The following BRINP2 variants were observed in gnomAD, a reference collection of about 807,000 sequenced individuals.
BRINP2 encodes BMP/retinoic acid inducible neural specific 2.
A neutral mutation model predicts 69.2 loss-of-function variants in BRINP2; 21 were observed. That is an observed-to-expected ratio of 0.30 (90% CI 0.22 to 0.44). The LOEUF (loss-of-function observed/expected upper bound fraction) is 0.44. Among genes scored for constraint, BRINP2 ranks in the 20% least tolerant of loss-of-function variants. BRINP2 has a pLI of 1.00. For synonymous variants in BRINP2, 380 were observed against 394.1 expected (o/e 0.96, Z 0.42); for missense variants, 877 against 986.0 (o/e 0.89, Z 1.48).
intron 1 of BRINP2, among the ~76,000 whole-genome samples, chr1:177,189,849 G>C (rs1024155408): frequency 1.3e-5 from 2 of 152,116 alleles, no homozygotes; most frequent in Non-Finnish European, 2.9e-5. Context: ...TTAACGTTAA[G>C]TCATGTGCAT....
intron 4 of BRINP2, among the ~76,000 whole-genome samples, chr1:177,265,228 G>C (rs535953480): frequency 4.5e-4 from 68 of 152,244 alleles, no homozygotes; most frequent in African/African-American, 1.6e-3. Flanking sequence ...TTTAATAAAT[G>C]GTGCTGGGAA....
At chr1:177,198,753 T>C (rs1648816139) in intron 1 of BRINP2, among the ~76,000 whole-genome samples, 1 of 152,196 alleles carries the variant, frequency 6.6e-6, no homozygotes, top group Non-Finnish European at 1.5e-5. Context: ...AGTTCTTGGA[T>C]GAAAGAATGC....
rs187651933 is a variant in BRINP2 at position 177,250,230 on chromosome 1, T to C, written c.270-5689T>C. ...CCACTTGAGTCTAATTCTGAGTTGA[T>C]AGCCCACTGTAATTTGTGATGAAAA... On this transcript the variant is annotated intron_variant, in intron 2 of 7. Transcript: ENST00000361539. 3.3e-5 allele frequency among the ~76,000 whole-genome samples: 5 copies of C among 152,342 alleles called. No homozygotes were observed. The East Asian group carries it at 5.8e-4, about 18-fold the overall frequency.
chr1:177,224,758 A>G lies in BRINP2; in HGVS notation c.-76-5043A>G, dbSNP rs1649645471. ...CTCATCTGTTAAAAAGAGTGATTTT[A>G]TTGTTTGTGCTTCATAAGCAGTAAC... On this transcript the variant is annotated intron_variant, in intron 1 of 7. Coordinates refer to ENST00000361539, the MANE Select transcript of BRINP2 (RefSeq NM_021165.4). Among the ~76,000 whole-genome samples, 3 of 152,164 alleles carry G rather than the reference A, an allele frequency of 2.0e-5. No homozygotes were observed. In the South Asian group the frequency reaches 6.2e-4, roughly 32 times the overall value.
At position 177,208,559 on chromosome 1, in the gene BRINP2, T is replaced by C. The variant is rs181926265; in HGVS notation, c.-76-21242T>C. 1.2e-3 allele frequency among the ~76,000 whole-genome samples: 181 copies of C among 152,076 alleles called. 1 individual carries two copies. Among genetic ancestry groups the C allele is most frequent in the Admixed American group, 3.7e-3 (57 of 15,290 alleles). On this transcript the variant is annotated intron_variant, in intron 1 of 7. Transcript: ENST00000361539. ...TCCCAGGTGCTGAATCTGTAGAGAG[T>C]GTGCATTATTCTCTGGCCCCTTCTC...
intron 1 of BRINP2, among the ~76,000 whole-genome samples, chr1:177,189,418 C>A (rs1648523434): frequency 6.6e-6 from 1 of 152,198 alleles, no homozygotes; most frequent in South Asian, 2.1e-4. Context: ...CCCCTGTCCA[C>A]AGTGAATGTT....
chr1:177,185,741 A>G (rs945306214), intron 1 of BRINP2, among the ~76,000 whole-genome samples: 3 of 152,148 alleles, frequency 2.0e-5, no homozygotes, highest in Non-Finnish European at 4.4e-5. Context: ...AGAGATTACA[A>G]AGGTAGGAAG....
At chr1:177,275,623 A>C (rs1292725204) in intron 5 of BRINP2, among the ~76,000 whole-genome samples, 1 of 152,212 alleles carries the variant, frequency 6.6e-6, no homozygotes, top group African/African-American at 2.4e-5. Context: ...TACTCAACAT[A>C]GTACCTGGGC....
intron 1 of BRINP2, among the ~76,000 whole-genome samples, chr1:177,184,678 C>G (rs1270062329): frequency 6.6e-6 from 1 of 151,408 alleles, no homozygotes; most frequent in African/African-American, 2.4e-5. Context: ...TTCCCCAGAT[C>G]CCTGGCTCAA....
chr1:177,245,246 T>C (rs1452815066), intron 2 of BRINP2, among the ~76,000 whole-genome samples: 1 of 152,012 alleles, frequency 6.6e-6, no homozygotes, highest in Non-Finnish European at 1.5e-5. Flanking sequence ...TTGTGTTCAA[T>C]TTTGGTTTCC....
chr1:177,254,691 CA>C (rs34104005), intron 2 of BRINP2, among the ~76,000 whole-genome samples: 46,739 of 143,814 alleles, frequency 0.32, 7,623 homozygotes, highest in African/African-American at 0.36. Flanking sequence ...AGGTGTTTCT[CA>C]AAAAAAAAAA....
Position 177,273,485 on chromosome 1 carries a change from T to C in BRINP2, c.670-3T>C, listed in dbSNP as rs1277550200. The C allele has an allele frequency of 6.2e-7, 1 of 1,604,692 alleles. No homozygotes were observed. The highest frequency in any genetic ancestry group is 1.7e-5 in the Admixed American group (1 of 58,428). On this transcript the variant is annotated splice_polypyrimidine_tract_variant and splice_region_variant and intron_variant, in intron 4 of 7. Transcript: ENST00000361539. ...ACCCACTCCCTACTCCTTCCTTCTC[T>C]AGGTCACCGAGACCAGGACCGGTCC... is the stretch of plus-strand genomic sequence containing the variant.
intron 1 of BRINP2, among the ~76,000 whole-genome samples, chr1:177,214,550 A>G (rs940803989): frequency 6.6e-6 from 1 of 152,226 alleles, no homozygotes; most frequent in Non-Finnish European, 1.5e-5. Flanking sequence ...TTAGGACAAC[A>G]TTGAAGTTTT....
intron 1 of BRINP2, among the ~76,000 whole-genome samples, chr1:177,201,187 A>T (rs762940976): frequency 6.6e-6 from 1 of 151,988 alleles, no homozygotes; most frequent in Non-Finnish European, 1.5e-5. Context: ...CTATTGAAAT[A>T]AAAAAAAGAA....
intron 2 of BRINP2, among the ~76,000 whole-genome samples, chr1:177,240,813 GC>G (rs1292387987): frequency 1.3e-5 from 2 of 152,144 alleles, no homozygotes; most frequent in African/African-American, 4.8e-5. Context: ...ATGTGGGACG[GC>G]CAATCAGGGC....
intron 1 of BRINP2, among the ~76,000 whole-genome samples, chr1:177,177,199 T>C (rs1648113994): frequency 6.6e-6 from 1 of 151,962 alleles, no homozygotes; most frequent in Non-Finnish European, 1.5e-5. Flanking sequence ...GAGAATCGCT[T>C]GAACTCAGGA....
Position 177,256,072 on chromosome 1 carries a change from G to A in BRINP2, c.423G>A (p.Lys141=), listed in dbSNP as rs944282252. Reference sequence around the variant, plus strand: ...AGGTTACAGAAAATCTGATTAAAAAGTACGGCACTCATTTCTTACTTTCTG... The same window carrying A: ...AGGTTACAGAAAATCTGATTAAAAAATACGGCACTCATTTCTTACTTTCTG... ...LQQVTENLIK[K]YGTHFLLSAT... The change falls in exon 3 of 8, where the codon AAG becomes AAA. Residue 141 remains lysine (K), a synonymous_variant. Transcript: ENST00000361539. 11 of 1,614,076 alleles carry A rather than the reference G, an allele frequency of 6.8e-6. No individual in the cohort carries two copies. In the Middle Eastern group the frequency reaches 4.9e-4, roughly 72 times the overall value.
In BRINP2 at chr1:177,280,434, C is replaced by T. The variant is rs1444795333; in HGVS notation, c.1258C>T (p.Arg420Ter). 1.9e-6 allele frequency: 3 copies of T among 1,610,296 alleles called. No homozygotes were observed. Among genetic ancestry groups the T allele is most frequent in the East Asian group, 2.2e-5 (1 of 44,836 alleles). Residue 420 changes from arginine (R) to a stop codon, truncating the protein, a stop_gained, in exon 8 of 8, where the codon CGA (arginine) becomes TGA (stop). Transcript: ENST00000361539. LOFTEE classifies it high-confidence loss of function. ...KERSLSYWWN[R>*]IQSLLYCGES... ...AAGGTCCTTGTCCTACTGGTGGAAC[C>T]GAATCCAGTCCCTCCTCTACTGTGG...
chr1:177,271,712 C>T (rs1328859330), intron 4 of BRINP2, among the ~76,000 whole-genome samples: 3 of 152,166 alleles, frequency 2.0e-5, no homozygotes, highest in Non-Finnish European at 2.9e-5. Flanking sequence ...TCCCTGCTGC[C>T]TCTCATGCTC....
Sources: allele counts gnomAD v4.1 joint callset (sites outside exome capture counted in the v4.1 genomes callset), GRCh38; gene constraint gnomAD v4.1.1; transcripts MANE v1.5; gene names NCBI Gene and HGNC (gene_info 2026-07-23, HGNC 2026-07-21).